UNC5D: variants seen among roughly 807,000 people sequenced by gnomAD.
The protein encoded by UNC5D is netrin receptor UNC5D.
Under a neutral mutation model 105.4 loss-of-function variants are expected in UNC5D, and 39 were observed. That is an observed-to-expected ratio of 0.37 (90% CI 0.29 to 0.48). The LOEUF is 0.48. UNC5D is among the 20% of genes least tolerant of loss of function. The pLI, the probability that UNC5D is intolerant of heterozygous loss-of-function variation, is 0.98. For missense variants in UNC5D, 991 were observed against 1,202.4 expected, an observed-to-expected ratio of 0.82 and a Z score of 2.60; for synonymous variants, 452 against 450.4, an observed-to-expected ratio of 1.00 and a Z score of -0.04.
intron 2 of UNC5D, 62 bp downstream of exon 2, chr8:35,549,572 T>C: frequency 3.4e-6 from 5 of 1,492,034 alleles, no homozygotes; most frequent in South Asian, 1.2e-5. Context: ...TGTGGTTATA[T>C]CTCTGGGAAA....
At chr8:35,357,712 C>G (rs1296449874) in intron 1 of UNC5D, among the ~76,000 whole-genome samples, 3 of 152,066 alleles carry the variant, frequency 2.0e-5, no homozygotes, top group African/African-American at 2.4e-5. Flanking sequence ...TAAATCCAAC[C>G]CTCCAGCCCC....
At chr8:35,476,893 A>G (rs894419175) in intron 1 of UNC5D, among the ~76,000 whole-genome samples, 1 of 152,150 alleles carries the variant, frequency 6.6e-6, no homozygotes, top group African/African-American at 2.4e-5. Context: ...TTGATCACCA[A>G]TTCTAACATT....
At chr8:35,697,376 TGAG>T (rs540478103) in intron 7 of UNC5D, among the ~76,000 whole-genome samples, 101 of 152,034 alleles carry the variant, frequency 6.6e-4, no homozygotes, top group African/African-American at 2.4e-3. Flanking sequence ...TAATGAGTTT[TGAG>T]GAGAAGTTTA....
chr8:35,322,880 A>G (rs1480179029), intron 1 of UNC5D, among the ~76,000 whole-genome samples: 1 of 152,154 alleles, frequency 6.6e-6, no homozygotes, highest in Non-Finnish European at 1.5e-5. Flanking sequence ...AAAGAGACAA[A>G]TCATACAGTA....
intron 4 of UNC5D, among the ~76,000 whole-genome samples, chr8:35,678,209 T>A (rs1825402089): frequency 6.6e-6 from 1 of 152,158 alleles, no homozygotes; most frequent in South Asian, 2.1e-4. Flanking sequence ...AGGATGTGAA[T>A]CATCTCTTCT....
At chr8:35,601,390 C>A (rs1346626973) in intron 4 of UNC5D, among the ~76,000 whole-genome samples, 1 of 152,146 alleles carries the variant, frequency 6.6e-6, no homozygotes, top group Non-Finnish European at 1.5e-5. Flanking sequence ...TTACCTTGGG[C>A]AGTATGGCCA....
intron 1 of UNC5D, among the ~76,000 whole-genome samples, chr8:35,302,407 T>C (rs6468314): frequency 0.82 from 124,756 of 152,204 alleles, 51,600 homozygotes; most frequent in East Asian, 1. Flanking sequence ...TATCACCAAA[T>C]GAGAGCATCG....
At chr8:35,750,909 A>T (rs1052867149) in intron 13 of UNC5D, 100 bp downstream of exon 13, 83 of 1,432,402 alleles carry the variant, frequency 5.8e-5, no homozygotes, top group Non-Finnish European at 7.8e-5. Flanking sequence ...GGGTCTAGAA[A>T]ATGAACCCAC....
chr8:35,360,845 G>A (rs1801815318), intron 1 of UNC5D, among the ~76,000 whole-genome samples: 1 of 152,108 alleles, frequency 6.6e-6, no homozygotes, highest in South Asian at 2.1e-4. Context: ...TACTGACAAT[G>A]TGTAGTTTAA....
At chr8:35,710,710 A>G (rs1034578241) in intron 8 of UNC5D, among the ~76,000 whole-genome samples, 2 of 152,192 alleles carry the variant, frequency 1.3e-5, no homozygotes, top group African/African-American at 4.8e-5. Context: ...CAGAGAAGAA[A>G]GAAAAGTAAC....
chr8:35,563,364 G>A (rs571122890), intron 2 of UNC5D, among the ~76,000 whole-genome samples: 1 of 121,598 alleles, frequency 8.2e-6, no homozygotes, highest in Non-Finnish European at 1.7e-5. Flanking sequence ...TGTGGGGGGT[G>A]GGGGGGTGGG....
At chr8:35,714,551 A>G (rs941453303) in intron 8 of UNC5D, among the ~76,000 whole-genome samples, 1 of 152,200 alleles carries the variant, frequency 6.6e-6, no homozygotes, top group African/African-American at 2.4e-5. Flanking sequence ...GCCTATTTAG[A>G]ACTAGGAGAA....
At chr8:35,683,099 G>C (rs979911159) in intron 4 of UNC5D, among the ~76,000 whole-genome samples, 1 of 152,100 alleles carries the variant, frequency 6.6e-6, no homozygotes, top group African/African-American at 2.4e-5. Context: ...TTAAATTCAG[G>C]CATCTTGACT....
At chr8:35,484,319 C>A (rs1258294626) in intron 1 of UNC5D, among the ~76,000 whole-genome samples, 2 of 152,206 alleles carry the variant, frequency 1.3e-5, no homozygotes, top group African/African-American at 4.8e-5. Flanking sequence ...TAGGTTTCCA[C>A]TGGGGCCAGC....
intron 1 of UNC5D, among the ~76,000 whole-genome samples, chr8:35,420,950 G>A (rs1003255488): frequency 2.6e-5 from 4 of 152,156 alleles, no homozygotes; most frequent in Admixed American, 6.5e-5. Flanking sequence ...ACTGACTTAA[G>A]TTATAGGTTA....
At chr8:35,421,257 G>T (rs1380121849) in intron 1 of UNC5D, among the ~76,000 whole-genome samples, 1 of 152,200 alleles carries the variant, frequency 6.6e-6, no homozygotes, top group Non-Finnish European at 1.5e-5. Flanking sequence ...TCTCTGAAAT[G>T]GCATGGGCTG....
Position 35,649,894 on chromosome 8 carries a change from C to T in UNC5D, c.571-33653C>T, listed in dbSNP as rs1303547562. Among the ~76,000 whole-genome samples, 4 of 151,972 alleles carry T rather than the reference C, an allele frequency of 2.6e-5. No individual in the cohort carries two copies. The East Asian group carries it at 5.8e-4, about 22-fold the overall frequency. ...GGAGAAACCCGATGACTGAATCTAC[C>T]GTAGTATTCTCGTCTCCATCCTGGA... On this transcript the variant is annotated intron_variant, in intron 4 of 16. Coordinates refer to ENST00000404895, the MANE Select transcript of UNC5D (RefSeq NM_080872.4).
At chr8:35,334,514 A>ATT (rs1388628754) in intron 1 of UNC5D, among the ~76,000 whole-genome samples, 2 of 117,598 alleles carry the variant, frequency 1.7e-5, no homozygotes, top group Non-Finnish European at 3.6e-5. Flanking sequence ...ATAAACTTTT[A>ATT]TTTATTTTTT....
At chr8:35,679,807 C>A (rs1032923818) in intron 4 of UNC5D, among the ~76,000 whole-genome samples, 9 of 152,126 alleles carry the variant, frequency 5.9e-5, no homozygotes, top group African/African-American at 2.2e-4. Flanking sequence ...TAACAAAATA[C>A]CTGAAACTGG....
Sources: allele counts gnomAD v4.1 joint callset (sites outside exome capture counted in the v4.1 genomes callset), GRCh38; gene constraint gnomAD v4.1.1; transcripts MANE v1.5; gene names NCBI Gene and HGNC (gene_info 2026-07-23, HGNC 2026-07-21).